ZNF418: variants seen among roughly 807,000 people sequenced by gnomAD.
ZNF418 encodes zinc finger protein 418.
A neutral mutation model predicts 32.0 loss-of-function variants in ZNF418; 32 were observed. That is an observed-to-expected ratio of 1.00 (90% CI 0.75 to 1.34). ZNF418 has a LOEUF of 1.34. Among genes scored for constraint, ZNF418 ranks in the 40% most tolerant of loss-of-function variants. The pLI, the probability that ZNF418 is intolerant of heterozygous loss-of-function variation, is 0.00. For synonymous variants in ZNF418, 276 were observed against 270.7 expected (o/e 1.02, Z -0.19); for missense variants, 804 against 812.5 (o/e 0.99, Z 0.13).
In ZNF418 at chr19:57,926,009, G is replaced by T; in HGVS notation, c.*141C>A. On this transcript the variant is annotated 3_prime_UTR_variant, in exon 4 of 6. Coordinates refer to ENST00000396147, the MANE Select transcript of ZNF418 (RefSeq NM_133460.3). ...CTCAAGAGGCCCTTCTGCAGTGGGAGCTCTTCTGTATGTAATAAAACAAGA... is the reference window on the plus strand; with the variant it reads ...CTCAAGAGGCCCTTCTGCAGTGGGATCTCTTCTGTATGTAATAAAACAAGA... 1 of 684,940 alleles carries T rather than the reference G, an allele frequency of 1.5e-6. No homozygotes were observed. Among genetic ancestry groups the T allele is most frequent in the Non-Finnish European group, 2.4e-6 (1 of 413,088 alleles). 42.4% of individuals were successfully genotyped at this position (684,940 alleles called of 1,614,324 possible).
chr19:57,930,639 G>A, intron 2 of ZNF418, 85 bp from the exon 3 acceptor site: 1 of 1,578,088 alleles, frequency 6.3e-7, no homozygotes. Context: ...CCACCCCCTT[G>A]CCCATCCTCC....
rs2072196386 is a variant in ZNF418, at chr19:57,925,876, TTA to T, written c.*272_*273del. 3 of 396,434 alleles carry T rather than the reference TTA, an allele frequency of 7.6e-6. No homozygotes were observed. Among genetic ancestry groups the T allele is most frequent in the Admixed American group, 4.0e-5 (1 of 24,694 alleles). The allele number at this position is 396,434 out of a possible 1,614,324, so 24.6% of individuals were successfully genotyped here. A position where few individuals can be genotyped will look rare whatever the true frequency, so the allele number is the denominator to read the frequency against. On this transcript the variant is annotated 3_prime_UTR_variant, in exon 4 of 6. Transcript: ENST00000396147. ...CCGTCATAAGGCATCTCCTCCAGTG[TTA>T]TGTTTTACAAGAAATAATATTTCCT...
chr19:57,926,720 A>G lies in ZNF418; in HGVS notation c.1461T>C (p.Cys487=). ...TGERPYECNE[C]GKSFQDSSGF... is the part of the protein sequence containing the mutation. ...CAGAGCTGTCTTGAAATGATTTCCC[A>G]CATTCATTACATTCATATGGCCTTT... The change falls in exon 4 of 6, where the codon TGT becomes TGC. Residue 487 remains cysteine, a synonymous_variant. Coordinates refer to ENST00000396147, the MANE Select transcript of ZNF418 (RefSeq NM_133460.3). 2.5e-6 allele frequency: 4 copies of G among 1,614,092 alleles called. No homozygotes were observed. The highest frequency in any genetic ancestry group is 3.4e-6 in the Non-Finnish European group (4 of 1,180,030).
intron 2 of ZNF418, among the ~76,000 whole-genome samples, chr19:57,930,987 G>A (rs2072461986): frequency 6.6e-6 from 1 of 151,920 alleles, no homozygotes; most frequent in African/African-American, 2.4e-5. Context: ...ATCTTGGCCA[G>A]GCTGGTCTTG....
At chr19:57,933,409 T>C (rs940992015) in intron 2 of ZNF418, among the ~76,000 whole-genome samples, 9 of 149,908 alleles carry the variant, frequency 6.0e-5, no homozygotes, top group African/African-American at 2.2e-4. Flanking sequence ...AAACCCCATC[T>C]CTACTAAAAA....
intron 4 of ZNF418, among the ~76,000 whole-genome samples, chr19:57,923,570 A>G (rs1015370698): frequency 2.1e-4 from 32 of 151,230 alleles, no homozygotes; most frequent in African/African-American, 7.6e-4. Flanking sequence ...ACACACATAT[A>G]TACACATATA....
intron 3 of ZNF418, among the ~76,000 whole-genome samples, chr19:57,929,273 G>A (rs2122907280): frequency 6.6e-6 from 1 of 152,330 alleles, no homozygotes; most frequent in East Asian, 1.9e-4. Flanking sequence ...ATAGGTTTCT[G>A]ATACGATTTG....
Position 57,926,902 on chromosome 19 carries a change from C to T in ZNF418, c.1279G>A (p.Glu427Lys), listed in dbSNP as rs768318470. 8.7e-6 allele frequency: 14 copies of T among 1,614,030 alleles called. No individual in the cohort carries two copies. Among genetic ancestry groups the T allele is most frequent in the Middle Eastern group, 1.6e-4 (1 of 6,082 alleles). The change falls in exon 4 of 6, where the codon GAG becomes AAG. Residue 427 changes from glutamate to lysine, a missense_variant. Coordinates refer to ENST00000396147, the MANE Select transcript of ZNF418 (RefSeq NM_133460.3). ...QRGHTGERPY[E>K]CGECGKSFSR... The stretch of plus-strand genomic sequence containing the variant: ...AAAGATTTCCCACATTCTCCACACT[C>T]GTAAGGTCTTTCTCCAGTGTGACCT...
rs761062015 is a variant in ZNF418, at chr19:57,927,817, TATC to T, written c.361_363del (p.Asp121del). The T allele has an allele frequency of 9.3e-6, 15 of 1,614,078 alleles. No individual in the cohort carries two copies. In the Admixed American group the frequency reaches 2.3e-4, roughly 25 times the overall value. On this transcript the variant is annotated inframe_deletion, in exon 4 of 6. Transcript: ENST00000396147. Reference sequence around the variant, plus strand: ...TGATTCTGGTGCGGACGGTTTGAACTATCATACAATTTATTCCCCCATGCCTCA... The same window carrying T: ...TGATTCTGGTGCGGACGGTTTGAACTATACAATTTATTCCCCCATGCCTCA...
In ZNF418 at chr19:57,927,208, G is replaced by T; in HGVS notation, c.973C>A (p.Gln325Lys). ...TGATGTTTAATGAGAGTACCATTTT[G>T]ACTAAAAGATTTCCCACATTCTCCA... is the stretch of plus-strand genomic sequence containing the variant. ...ECGECGKSFSQNGTLIKHQRV... is the reference protein window; with the variant it reads ...ECGECGKSFSKNGTLIKHQRV... Residue 325 changes from glutamine to lysine, a missense_variant, in exon 4 of 6, where the codon CAA (glutamine) becomes AAA (lysine). Gln to Lys is a moderately conservative substitution (Grantham distance 53, BLOSUM62 1). Coordinates refer to ENST00000396147, the MANE Select transcript of ZNF418 (RefSeq NM_133460.3). 1.2e-6 allele frequency: 2 copies of T among 1,613,834 alleles called. No homozygotes were observed. The highest frequency in any genetic ancestry group is 1.7e-6 in the Non-Finnish European group (2 of 1,179,966).
At chr19:57,925,170 CAT>C (rs900542077) in intron 4 of ZNF418, among the ~76,000 whole-genome samples, 8 of 152,066 alleles carry the variant, frequency 5.3e-5, no homozygotes, top group Non-Finnish European at 7.3e-5. Flanking sequence ...TAAAGAATCA[CAT>C]GAGACCCGCT....
chr19:57,930,335 G>A, intron 3 of ZNF418, 93 bp downstream of exon 3: 2 of 1,589,046 alleles, frequency 1.3e-6, no homozygotes, highest in Non-Finnish European at 1.7e-6. Flanking sequence ...TGTGCCCATG[G>A]TCCTGACATG....
intron 5 of ZNF418, 80 bp from the exon 6 acceptor site, chr19:57,922,709 C>A (rs972888202): frequency 2.5e-6 from 1 of 397,264 alleles, no homozygotes; most frequent in African/African-American, 2.1e-5. Flanking sequence ...AAGAAAAAAA[C>A]CAAAAGCATG....
Position 57,934,054 on chromosome 19 carries a change from C to T in ZNF418, c.-80-152G>A, listed in dbSNP as rs553501623. ...CATGGGTTGACAGAAATGGGAATAC[C>T]TCCATACATCCTGTGTCATGGACTT... is the stretch of plus-strand genomic sequence containing the variant. On this transcript the variant is annotated intron_variant, in intron 1 of 5. Coordinates refer to ENST00000396147, the MANE Select transcript of ZNF418 (RefSeq NM_133460.3). 2.8e-6 allele frequency: 4 copies of T among 1,449,020 alleles called. No individual in the cohort carries two copies. The African/African-American group carries it at 5.7e-5, about 21-fold the overall frequency. 89.8% of individuals were successfully genotyped at this position (1,449,020 alleles called of 1,614,324 possible). A position where few individuals can be genotyped will look rare whatever the true frequency, so the allele number is the denominator to read the frequency against.
In ZNF418 at chr19:57,926,465, C is replaced by T. The variant is rs992166406; in HGVS notation, c.1716G>A (p.Gly572=). 6.2e-7 allele frequency: 1 copy of T among 1,612,538 alleles called. No homozygotes were observed. Among genetic ancestry groups the T allele is most frequent in the Non-Finnish European group, 8.5e-7 (1 of 1,179,644 alleles). The change falls in exon 4 of 6, where the codon GGG becomes GGA. Residue 572 remains glycine, a synonymous_variant. Coordinates refer to ENST00000396147, the MANE Select transcript of ZNF418 (RefSeq NM_133460.3). ...GTTCAAGGAGACTGGAGAAGAATTT[C>T]CCACATTCTCTGCACTCATAAGGTC... is the stretch of plus-strand genomic sequence containing the variant. ...AERPYECREC[G]KFFSSLLEHR... is the part of the protein sequence containing the mutation.
Position 57,935,240 on chromosome 19 carries a change from C to G in ZNF418, c.-160G>C. 8.2e-7 allele frequency: 1 copy of G among 1,223,580 alleles called. No individual in the cohort carries two copies. Among genetic ancestry groups the G allele is most frequent in the Middle Eastern group, 2.3e-4 (1 of 4,438 alleles). 75.8% of individuals were successfully genotyped at this position (1,223,580 alleles called of 1,614,324 possible). A position where few individuals can be genotyped will look rare whatever the true frequency, so the allele number is the denominator to read the frequency against. ...CTGCCGGGAGCGGCGGGCGCCGTTACGGGGCCTAAGATCTGCCTCTGTGCA... is the reference window on the plus strand; with the variant it reads ...CTGCCGGGAGCGGCGGGCGCCGTTAGGGGGCCTAAGATCTGCCTCTGTGCA... On this transcript the variant is annotated 5_prime_UTR_variant, in exon 1 of 6. Coordinates refer to ENST00000396147, the MANE Select transcript of ZNF418 (RefSeq NM_133460.3).
In ZNF418 at chr19:57,926,616, C is replaced by G. The variant is rs1469156806; in HGVS notation, c.1565G>C (p.Ser522Thr). 3 of 1,613,954 alleles carry G rather than the reference C, an allele frequency of 1.9e-6. No individual in the cohort carries two copies. In the Admixed American group the frequency reaches 5.0e-5, roughly 27 times the overall value. Residue 522 changes from serine to threonine, a missense_variant, in exon 4 of 6, where the codon AGC (serine) becomes ACC (threonine). By Grantham distance (58) the Ser-to-Thr change is moderately conservative (BLOSUM62 1). This residue lies in a region of ZNF418 where 475 missense variants were observed against 458.6 expected (regional missense o/e 1.04). Coordinates refer to ENST00000396147, the MANE Select transcript of ZNF418 (RefSeq NM_133460.3). Reference protein sequence around the residue: ...CSECGKSFPQSCSLLRHRRVH... With the variant: ...CSECGKSFPQTCSLLRHRRVH... ...TCTCCGATGTCGAAGGAGGGAACAG[C>G]TTTGAGGAAATGACTTCCCACATTC...
At chr19:57,923,347 C>T (rs767705124) in intron 4 of ZNF418, 58 bp from the exon 5 acceptor site, 4 of 151,728 alleles carry the variant, frequency 2.6e-5, no homozygotes, top group Non-Finnish European at 2.9e-5. Context: ...TAATTCATTG[C>T]AGACGGGAGT....
chr19:57,929,797 C>A (rs556207031), intron 3 of ZNF418, among the ~76,000 whole-genome samples: 2 of 152,084 alleles, frequency 1.3e-5, no homozygotes, highest in African/African-American at 4.8e-5. Context: ...ATTCTCCTGC[C>A]TCAGCCTCCC....
Sources: allele counts gnomAD v4.1 joint callset (sites outside exome capture counted in the v4.1 genomes callset), GRCh38; gene constraint gnomAD v4.1.1; regional missense constraint gnomAD v4.1.1; transcripts MANE v1.5; gene names NCBI Gene and HGNC (gene_info 2026-07-23, HGNC 2026-07-21).